Variants in CLPB observed in about 807,000 individuals in gnomAD.
CLPB encodes mitochondrial disaggregase.
Under a neutral mutation model 78.4 loss-of-function variants are expected in CLPB, and 40 were observed. The ratio of observed to expected loss-of-function variants is 0.51; its 90% CI spans 0.40 to 0.66. The LOEUF (loss-of-function observed/expected upper bound fraction) is 0.66. CLPB is among the 30% of genes least tolerant of loss of function. The pLI is 0.00. For missense variants in CLPB, 780 were observed against 886.9 expected (o/e 0.88, Z 1.53); for synonymous variants, 333 against 348.0 (o/e 0.96, Z 0.48).
chr11:72,389,827 C>T (rs1045425036), intron 3 of CLPB, among the ~76,000 whole-genome samples: 6 of 151,700 alleles, frequency 4.0e-5, no homozygotes, highest in African/African-American at 7.3e-5. Flanking sequence ...TCGGGAGGAT[C>T]GCTTGAGCTC....
intron 6 of CLPB, among the ~76,000 whole-genome samples, chr11:72,325,757 A>G (rs943717262): frequency 2.6e-5 from 4 of 152,196 alleles, no homozygotes; most frequent in African/African-American, 9.7e-5. Flanking sequence ...AGGACATAAT[A>G]TAAGAGGGAA....
At chr11:72,324,232 T>C (rs2135540686) in intron 6 of CLPB, among the ~76,000 whole-genome samples, 1 of 152,186 alleles carries the variant, frequency 6.6e-6, no homozygotes, top group South Asian at 2.1e-4. Flanking sequence ...ATTCCTGATA[T>C]GTGTATCTTA....
intron 5 of CLPB, among the ~76,000 whole-genome samples, chr11:72,357,522 C>A (rs1034378217): frequency 6.6e-6 from 1 of 151,674 alleles, no homozygotes; most frequent in Non-Finnish European, 1.5e-5. Flanking sequence ...CATGGAGAAA[C>A]CCTGTCTCTA....
In CLPB at chr11:72,290,319, G is replaced by A. The variant is rs964371968; in HGVS notation, c.*3048C>T. The A allele has an allele frequency of 6.6e-6, 1 of 152,176 alleles. No individual in the cohort carries two copies. The highest frequency in any genetic ancestry group is 2.4e-5 in the African/African-American group (1 of 41,422). 9.4% of individuals were successfully genotyped at this position (152,176 alleles called of 1,614,324 possible). ...AACTGTTAGCATTAGATTGTAGCCT[G>A]TAGAATAAAACAGATATCCACTCAT... On this transcript the variant is annotated 3_prime_UTR_variant, in exon 16 of 16. Coordinates refer to ENST00000538039, the MANE Select transcript of CLPB (RefSeq NM_001258392.3).
intron 5 of CLPB, chr11:72,354,720 T>C (rs948680516): frequency 1.1e-5 from 2 of 182,982 alleles, no homozygotes; most frequent in African/African-American, 4.7e-5. Flanking sequence ...GTCTCTGTAC[T>C]TTTCTGTGGC....
At chr11:72,429,142 T>C (rs555711260) in intron 2 of CLPB, 1 of 152,344 alleles carries the variant, frequency 6.6e-6, no homozygotes, top group African/African-American at 2.4e-5. Context: ...AGCCTGCAGT[T>C]ATGAATGGCT....
At chr11:72,378,811 T>C (rs1190284941) in intron 4 of CLPB, among the ~76,000 whole-genome samples, 1 of 152,068 alleles carries the variant, frequency 6.6e-6, no homozygotes, top group African/African-American at 2.4e-5. Flanking sequence ...GACACAAAGA[T>C]CATGGCCTGC....
At chr11:72,346,587 T>TAA (rs574175469) in intron 5 of CLPB, among the ~76,000 whole-genome samples, 8 of 143,278 alleles carry the variant, frequency 5.6e-5, no homozygotes, top group African/African-American at 1.0e-4. Context: ...TGCTATATGT[T>TAA]AAAAAAAAAA....
chr11:72,427,856 G>A (rs897747239), intron 2 of CLPB, among the ~76,000 whole-genome samples: 2 of 152,188 alleles, frequency 1.3e-5, no homozygotes, highest in African/African-American at 4.8e-5. Flanking sequence ...ATGGGATTCT[G>A]TCCTGCTATA....
intron 5 of CLPB, among the ~76,000 whole-genome samples, chr11:72,342,125 T>C (rs1950431227): frequency 6.6e-6 from 1 of 152,006 alleles, no homozygotes; most frequent in Non-Finnish European, 1.5e-5. Context: ...AAAGAGAACA[T>C]GGAAGAAAGT....
intron 5 of CLPB, among the ~76,000 whole-genome samples, chr11:72,339,421 A>C (rs1950377931): frequency 6.6e-6 from 1 of 152,210 alleles, no homozygotes; most frequent in South Asian, 2.1e-4. Context: ...ATCCAAGGGT[A>C]ATATTAAAAC....
chr11:72,311,982 C>T (rs1949855800), intron 7 of CLPB, among the ~76,000 whole-genome samples: 1 of 152,216 alleles, frequency 6.6e-6, no homozygotes, highest in Admixed American at 6.5e-5. Flanking sequence ...CCACATCTAG[C>T]CATTAACTTG....
At chr11:72,366,827 T>G (rs943186137) in intron 4 of CLPB, among the ~76,000 whole-genome samples, 7 of 152,150 alleles carry the variant, frequency 4.6e-5, no homozygotes, top group African/African-American at 1.7e-4. Flanking sequence ...TGGAGATTTC[T>G]CAGAGAACTC....
chr11:72,293,947 G>T, intron 15 of CLPB, 75 bp downstream of exon 15: 1 of 1,293,892 alleles, frequency 7.7e-7, no homozygotes, highest in Non-Finnish European at 1.1e-6. Context: ...CAGGCTGAGA[G>T]CTCAGGGACT....
At chr11:72,330,007 T>C (rs767524482) in intron 5 of CLPB, among the ~76,000 whole-genome samples, 1 of 152,210 alleles carries the variant, frequency 6.6e-6, no homozygotes, top group Non-Finnish European at 1.5e-5. Context: ...AGATGTGTTA[T>C]ACATACACAA....
intron 2 of CLPB, among the ~76,000 whole-genome samples, chr11:72,429,648 T>G (rs184497906): frequency 1.3e-3 from 194 of 152,344 alleles, no homozygotes; most frequent in Admixed American, 2.1e-3. Flanking sequence ...GCCCTGTAAC[T>G]GATGCCCCAT....
chr11:72,348,290 G>C (rs377527610), intron 5 of CLPB, among the ~76,000 whole-genome samples: 1 of 152,090 alleles, frequency 6.6e-6, no homozygotes, highest in African/African-American at 2.4e-5. Flanking sequence ...AAATCACAAT[G>C]GTCACTAAAC....
chr11:72,286,221 C>CTTTTTTTTTT lies in CLPB; in HGVS notation c.*7145_*7146insAAAAAAAAAA, dbSNP rs1565413587. ...AGATTACAGGTGTGAGATACTGCAC[C>CTTTTTTTTTT]TGTTTTTTTTTTTTTTTTTTTTTTT... On this transcript the variant is annotated 3_prime_UTR_variant, in exon 16 of 16. Coordinates refer to ENST00000538039, the MANE Select transcript of CLPB (RefSeq NM_001258392.3). 2 of 59,118 alleles carry CTTTTTTTTTT rather than the reference C, an allele frequency of 3.4e-5. No homozygotes were observed. Among genetic ancestry groups the CTTTTTTTTTT allele is most frequent in the Non-Finnish European group, 7.0e-5 (2 of 28,452 alleles). The allele number at this position is 59,118 out of a possible 1,614,324, so 3.7% of individuals were successfully genotyped here. A position where few individuals can be genotyped will look rare whatever the true frequency, so the allele number is the denominator to read the frequency against.
At chr11:72,425,717 C>T (rs752966384) in intron 2 of CLPB, among the ~76,000 whole-genome samples, 7 of 152,200 alleles carry the variant, frequency 4.6e-5, no homozygotes, top group Non-Finnish European at 1.0e-4. Flanking sequence ...CCAGCAACAC[C>T]GAACAGCAAG....
Sources: allele counts gnomAD v4.1 joint callset (sites outside exome capture counted in the v4.1 genomes callset), GRCh38; gene constraint gnomAD v4.1.1; transcripts MANE v1.5; gene names NCBI Gene and HGNC (gene_info 2026-07-23, HGNC 2026-07-21).